The following RSU1 variants were observed in gnomAD, a reference collection of about 807,000 sequenced individuals.
The protein encoded by RSU1 is rsu-1.
A neutral mutation model predicts 31.1 loss-of-function variants in RSU1; 26 were observed. The observed-to-expected ratio is 0.84, with a 90% CI of 0.61 to 1.16. The LOEUF (loss-of-function observed/expected upper bound fraction) is 1.16, where lower values mean the gene tolerates loss of function less well. Among genes scored for constraint, RSU1 ranks in the 50% most tolerant of loss-of-function variants. The probability of loss-of-function intolerance (pLI) is 0.00; values close to 1 mark genes in which losing one functional copy is unlikely to be tolerated. For missense variants in RSU1, 320 were observed against 339.1 expected (o/e 0.94, Z 0.44); for synonymous variants, 164 against 136.3 (o/e 1.20, Z -1.41).
intron 8 of RSU1, among the ~76,000 whole-genome samples, chr10:16,634,059 C>T (rs1211171644): frequency 1.3e-5 from 2 of 152,206 alleles, no homozygotes; most frequent in African/African-American, 2.4e-5. Flanking sequence ...ACAGCTTCCA[C>T]CAAGTGAACC....
chr10:16,709,410 G>C (rs1835972284), intron 7 of RSU1, among the ~76,000 whole-genome samples: 1 of 152,116 alleles, frequency 6.6e-6, no homozygotes, highest in Non-Finnish European at 1.5e-5. Context: ...GGACATTTCG[G>C]TTGGTTCCAA....
intron 3 of RSU1, 53 bp downstream of exon 3, chr10:16,781,981 C>T: frequency 6.8e-7 from 1 of 1,461,266 alleles, no homozygotes; most frequent in African/African-American, 1.4e-5. Flanking sequence ...CTCAGCAGTG[C>T]CATAGGATTA....
At chr10:16,605,298 T>G (rs978779015) in intron 8 of RSU1, among the ~76,000 whole-genome samples, 9 of 152,186 alleles carry the variant, frequency 5.9e-5, no homozygotes, top group Non-Finnish European at 1.0e-4. Flanking sequence ...CATCTAGTTA[T>G]TTATTTGATG....
chr10:16,716,552 A>G (rs568865441), intron 7 of RSU1, among the ~76,000 whole-genome samples: 1 of 152,134 alleles, frequency 6.6e-6, no homozygotes, highest in South Asian at 2.1e-4. Context: ...CCTTCCATAC[A>G]TGATATGAGC....
chr10:16,714,416 A>C (rs546211515), intron 7 of RSU1, among the ~76,000 whole-genome samples: 29 of 152,310 alleles, frequency 1.9e-4, no homozygotes, highest in Middle Eastern at 3.4e-3. Flanking sequence ...GACATAGAAT[A>C]GCAGCATTCA....
chr10:16,610,206 A>G (rs1294904012), intron 8 of RSU1, among the ~76,000 whole-genome samples: 1 of 151,412 alleles, frequency 6.6e-6, no homozygotes, highest in African/African-American at 2.5e-5. Flanking sequence ...GTTAGAGCAC[A>G]CTGTCCGTCA....
chr10:16,739,737 G>A (rs931537315), intron 7 of RSU1, among the ~76,000 whole-genome samples: 4 of 151,794 alleles, frequency 2.6e-5, no homozygotes, highest in East Asian at 1.9e-4. Context: ...TCAGCCTCCC[G>A]AGTAGCTGGG....
intron 8 of RSU1, among the ~76,000 whole-genome samples, chr10:16,633,848 C>T (rs970309658): frequency 6.6e-6 from 1 of 152,178 alleles, no homozygotes; most frequent in Non-Finnish European, 1.5e-5. Context: ...GTCAGGATCT[C>T]ACAACCCCTG....
At chr10:16,808,347 T>C (rs970363639) in intron 2 of RSU1, among the ~76,000 whole-genome samples, 3 of 151,074 alleles carry the variant, frequency 2.0e-5, no homozygotes, top group South Asian at 2.1e-4. Flanking sequence ...CGCCAGGCGT[T>C]GTGGCAGGTG....
chr10:16,805,523 A>C (rs1372383346), intron 2 of RSU1, among the ~76,000 whole-genome samples: 4 of 151,798 alleles, frequency 2.6e-5, no homozygotes, highest in Non-Finnish European at 4.4e-5. Context: ...TACAAAAAAA[A>C]AAGTTAGCCA....
intron 2 of RSU1, among the ~76,000 whole-genome samples, chr10:16,814,178 A>C (rs1335283808): frequency 1.3e-5 from 2 of 152,184 alleles, no homozygotes; most frequent in East Asian, 3.8e-4. Flanking sequence ...GGTAGCTCAC[A>C]TGTGTAATGC....
rs779522317 is a variant in RSU1, at chr10:16,695,067, G to A, written c.687C>T (p.Gly229=). The change falls in exon 8 of 9, where the codon GGC becomes GGT. Residue 229 remains glycine (G), a synonymous_variant. Transcript: ENST00000345264. ...GGATATACTCAAAAACATGGGACAC[G>A]CCAAGCTGGAACTGGTCTGCAATGG... ...VTPIADQFQL[G]VSHVFEYIRS... is the part of the protein sequence containing the mutation. 10 of 1,595,216 alleles carry A rather than the reference G, an allele frequency of 6.3e-6. No individual in the cohort carries two copies. The highest frequency in any genetic ancestry group is 3.3e-5 in the South Asian group (3 of 90,652).
At chr10:16,671,596 A>G (rs886821649) in intron 8 of RSU1, among the ~76,000 whole-genome samples, 1 of 151,774 alleles carries the variant, frequency 6.6e-6, no homozygotes, top group Admixed American at 6.6e-5. Context: ...CTACATGCGC[A>G]TACCACCACA....
chr10:16,624,379 C>G (rs1834120919), intron 8 of RSU1, among the ~76,000 whole-genome samples: 1 of 152,130 alleles, frequency 6.6e-6, no homozygotes, highest in Non-Finnish European at 1.5e-5. Flanking sequence ...GGCTGCCCAT[C>G]ACTCCTCACC....
At chr10:16,772,025 G>A (rs914460434) in intron 3 of RSU1, among the ~76,000 whole-genome samples, 1 of 152,122 alleles carries the variant, frequency 6.6e-6, no homozygotes, top group Non-Finnish European at 1.5e-5. Context: ...AAAAGCACAC[G>A]CTCACTCTAT....
chr10:16,653,367 T>G (rs1182201167), intron 8 of RSU1, among the ~76,000 whole-genome samples: 1 of 152,190 alleles, frequency 6.6e-6, no homozygotes, highest in Non-Finnish European at 1.5e-5. Context: ...CTACACATAA[T>G]TCTTCTCACA....
intron 8 of RSU1, among the ~76,000 whole-genome samples, chr10:16,693,959 T>C (rs1367509938): frequency 6.6e-6 from 1 of 152,210 alleles, no homozygotes; most frequent in Admixed American, 6.5e-5. Context: ...TTGTCTTTTT[T>C]GTATATGCTT....
intron 8 of RSU1, among the ~76,000 whole-genome samples, chr10:16,631,564 A>G (rs1343527377): frequency 6.6e-6 from 1 of 152,230 alleles, no homozygotes; most frequent in African/African-American, 2.4e-5. Flanking sequence ...ACCACGACTT[A>G]ACAAAAACTC....
chr10:16,731,163 T>G (rs540806298), intron 7 of RSU1, among the ~76,000 whole-genome samples: 3 of 152,302 alleles, frequency 2.0e-5, no homozygotes, highest in African/African-American at 7.2e-5. Context: ...TCGTGTCATT[T>G]TATGTTCCAT....
Sources: allele counts gnomAD v4.1 joint callset (sites outside exome capture counted in the v4.1 genomes callset), GRCh38; gene constraint gnomAD v4.1.1; transcripts MANE v1.5; gene names NCBI Gene and HGNC (gene_info 2026-07-23, HGNC 2026-07-21).